Variants in GABRG3 observed in about 807,000 individuals in gnomAD.
The protein encoded by GABRG3 is gamma-aminobutyric acid type A receptor subunit gamma3.
Under a neutral mutation model 48.8 loss-of-function variants are expected in GABRG3, and 25 were observed. The observed-to-expected ratio is 0.51, with a 90% CI of 0.37 to 0.72. The LOEUF is 0.72. Ranked by LOEUF, GABRG3 falls within the 30% of genes least tolerant of loss-of-function variation. The probability of loss-of-function intolerance (pLI) is 0.00; values close to 1 mark genes in which losing one functional copy is unlikely to be tolerated. For synonymous variants in GABRG3, 227 were observed against 217.6 expected (o/e 1.04, Z -0.38); for missense variants, 394 against 577.9 (o/e 0.68, Z 3.26).
chr15:27,307,295 G>A (rs1308553581), intron 3 of GABRG3, among the ~76,000 whole-genome samples: 1 of 141,356 alleles, frequency 7.1e-6, no homozygotes, highest in African/African-American at 2.5e-5. Context: ...GTTTATATAT[G>A]TTTATATATA....
intron 3 of GABRG3, among the ~76,000 whole-genome samples, chr15:27,039,448 G>A (rs374491611): frequency 9.9e-5 from 15 of 152,222 alleles, no homozygotes; most frequent in East Asian, 5.8e-4. Flanking sequence ...TTTCTTAGCC[G>A]GCTGCACCAC....
intron 3 of GABRG3, among the ~76,000 whole-genome samples, chr15:27,314,917 A>C (rs995241733): frequency 7.2e-5 from 11 of 152,146 alleles, no homozygotes; most frequent in African/African-American, 2.2e-4. Context: ...AGAAATGGAA[A>C]ATTTCTAATC....
intron 3 of GABRG3, among the ~76,000 whole-genome samples, chr15:27,195,471 A>G (rs1023829264): frequency 1.7e-4 from 25 of 150,480 alleles, no homozygotes; most frequent in Non-Finnish European, 3.1e-4. Context: ...AGCTGGGACT[A>G]CAGGCATGCA....
intron 9 of GABRG3, 69 bp downstream of exon 9, chr15:27,528,061 T>A: frequency 8.6e-7 from 1 of 1,164,184 alleles, no homozygotes; most frequent in Non-Finnish European, 1.3e-6. Context: ...ATTTGAAAGA[T>A]AGATTGCTGT....
chr15:26,993,952 A>G (rs1331342748), intron 2 of GABRG3, among the ~76,000 whole-genome samples: 1 of 151,980 alleles, frequency 6.6e-6, no homozygotes, highest in Non-Finnish European at 1.5e-5. Flanking sequence ...TTTATCATTG[A>G]TAATGATCCT....
chr15:27,298,500 A>C (rs1378456041), intron 3 of GABRG3, among the ~76,000 whole-genome samples: 1 of 152,132 alleles, frequency 6.6e-6, no homozygotes, highest in African/African-American at 2.4e-5. Flanking sequence ...TCAATTATGT[A>C]TTCGTTGGGT....
Position 27,039,960 on chromosome 15 carries a change from T to C in GABRG3, c.270+13139T>C, listed in dbSNP as rs116817813. On this transcript the variant is annotated intron_variant, in intron 3 of 9. Coordinates refer to ENST00000615808, the MANE Select transcript of GABRG3 (RefSeq NM_033223.5). ...ATCTTCCCAGGAAGTTCCTCCTTGC[T>C]GGGACACTTCTTCTCTTTTCTGCTC... Among the ~76,000 whole-genome samples, 823 of 151,568 alleles carry C rather than the reference T, an allele frequency of 5.4e-3. 9 individuals carry two copies. The highest frequency in any genetic ancestry group is 0.019 in the African/African-American group (755 of 40,810).
chr15:27,222,476 C>T (rs1889484402), intron 3 of GABRG3, among the ~76,000 whole-genome samples: 1 of 152,182 alleles, frequency 6.6e-6, no homozygotes, highest in Admixed American at 6.5e-5. Context: ...AAGCAAACTC[C>T]TTATTTTCTA....
intron 2 of GABRG3, among the ~76,000 whole-genome samples, chr15:26,999,527 T>C (rs1188124482): frequency 3.3e-5 from 5 of 152,206 alleles, no homozygotes; most frequent in African/African-American, 9.6e-5. Flanking sequence ...TATTTTAAGT[T>C]CTTCTCCTTA....
At chr15:27,432,807 C>T (rs1383293363) in intron 5 of GABRG3, among the ~76,000 whole-genome samples, 8 of 152,196 alleles carry the variant, frequency 5.3e-5, no homozygotes, top group Admixed American at 4.6e-4. Context: ...GCTCCTTCAA[C>T]AGGTTGCTTC....
intron 3 of GABRG3, among the ~76,000 whole-genome samples, chr15:27,313,264 A>ATATATATATATATATATATATATG (rs1893079180): frequency 9.0e-5 from 1 of 11,156 alleles, no homozygotes; most frequent in South Asian, 2.9e-3. Flanking sequence ...GTGTGTGTGT[A>ATATATATATATATATATATATATG]TATATATATA....
chr15:27,502,784 T>G (rs1890672170), intron 6 of GABRG3, among the ~76,000 whole-genome samples: 1 of 152,206 alleles, frequency 6.6e-6, no homozygotes, highest in Admixed American at 6.5e-5. Flanking sequence ...AAAGGATATT[T>G]AACAGGATAC....
chr15:27,129,514 A>AT (rs1379780548), intron 3 of GABRG3, among the ~76,000 whole-genome samples: 2 of 152,188 alleles, frequency 1.3e-5, no homozygotes, highest in Non-Finnish European at 2.9e-5. Context: ...GTGTACACAA[A>AT]TATCTGCCTG....
intron 5 of GABRG3, among the ~76,000 whole-genome samples, chr15:27,467,279 C>G (rs1176190502): frequency 6.6e-6 from 1 of 152,180 alleles, no homozygotes; most frequent in East Asian, 1.9e-4. Flanking sequence ...CCTCATTAAC[C>G]TCCCAAATGC....
chr15:27,231,583 C>T (rs4410043), intron 3 of GABRG3, among the ~76,000 whole-genome samples: 27,892 of 152,048 alleles, frequency 0.18, 3,587 homozygotes, highest in East Asian at 0.41. Context: ...GTTTGAAAAC[C>T]CAACGTTAGT....
chr15:27,253,132 G>C (rs1327750260), intron 3 of GABRG3, among the ~76,000 whole-genome samples: 1 of 152,242 alleles, frequency 6.6e-6, no homozygotes, highest in Non-Finnish European at 1.5e-5. Context: ...TAGTCACCGG[G>C]CTGCTGGACC....
intron 5 of GABRG3, among the ~76,000 whole-genome samples, chr15:27,452,617 G>A (rs889615213): frequency 1.3e-5 from 2 of 152,188 alleles, no homozygotes; most frequent in Non-Finnish European, 2.9e-5. Context: ...ACCAGAAAGT[G>A]GAAGTAAGTG....
intron 3 of GABRG3, among the ~76,000 whole-genome samples, chr15:27,070,056 GA>G (rs2140732880): frequency 6.6e-6 from 1 of 152,292 alleles, no homozygotes; most frequent in South Asian, 2.1e-4. Context: ...TGTGTGTTGT[GA>G]AAAAAACAGA....
At chr15:27,369,806 CAAAAAAAA>C (rs34901488) in intron 5 of GABRG3, among the ~76,000 whole-genome samples, 26 of 30,272 alleles carry the variant, frequency 8.6e-4, no homozygotes, top group African/African-American at 2.2e-3. Context: ...GACTCCGTCT[CAAAAAAAA>C]AAAAAAAAAA....
Sources: allele counts gnomAD v4.1 joint callset (sites outside exome capture counted in the v4.1 genomes callset), GRCh38; gene constraint gnomAD v4.1.1; transcripts MANE v1.5; gene names NCBI Gene and HGNC (gene_info 2026-07-23, HGNC 2026-07-21).